The following MIPEP variants were observed in gnomAD, a reference collection of about 807,000 sequenced individuals.
The protein encoded by MIPEP is mitochondrial intermediate peptidase.
In MIPEP, 79 loss-of-function variants were observed where a neutral mutation model predicts 90.3. That is an observed-to-expected ratio of 0.87 (90% confidence interval 0.73 to 1.05). The LOEUF (loss-of-function observed/expected upper bound fraction) is 1.05. Ranked by LOEUF, MIPEP falls within the 50% of genes least tolerant of loss-of-function variation. The pLI, the probability that MIPEP is intolerant of heterozygous loss-of-function variation, is 0.00. For synonymous variants in MIPEP, 334 were observed against 315.8 expected (o/e 1.06, Z -0.61); for missense variants, 940 against 905.6 (o/e 1.04, Z -0.49).
At chr13:23,838,709 TATTAGGAGCCAGGGCTCCTA>T (rs1385298842) in intron 12 of MIPEP, among the ~76,000 whole-genome samples, 18 of 152,196 alleles carry the variant, frequency 1.2e-4, no homozygotes, top group African/African-American at 4.1e-4. Flanking sequence ...CCAGGCTGAC[TATTAGGAGCCAGGGCTCCTA>T]ATCACTAAAG....
Position 23,753,223 on chromosome 13 carries a change from CA to C in MIPEP, c.2044+3321del, listed in dbSNP as rs765963824. Among the ~76,000 whole-genome samples, 1,197 of 128,140 alleles carry C rather than the reference CA, an allele frequency of 9.3e-3. 13 individuals carry two copies. Among genetic ancestry groups the C allele is most frequent in the African/African-American group, 0.026 (987 of 37,420 alleles). 84.1% of individuals were successfully genotyped at this position (128,140 alleles called of 152,430 possible). The stretch of plus-strand genomic sequence containing the variant: ...AGCCTGGGCAGTAGAGACTCCATCT[CA>C]AAAAAAAAAAAAAAAATAATAATAA... On this transcript the variant is annotated intron_variant, in intron 18 of 18. Coordinates refer to ENST00000382172, the MANE Select transcript of MIPEP (RefSeq NM_005932.4).
intron 16 of MIPEP, among the ~76,000 whole-genome samples, chr13:23,796,732 A>T (rs575395806): frequency 1.2e-3 from 187 of 152,332 alleles, no homozygotes; most frequent in African/African-American, 4.3e-3. Flanking sequence ...GGATGAGCAC[A>T]CTATGTAAAC....
At chr13:23,881,928 C>T (rs1399219603) in intron 2 of MIPEP, 141 bp from the exon 3 acceptor site, 7 of 626,348 alleles carry the variant, frequency 1.1e-5, no homozygotes, top group East Asian at 5.6e-5. Context: ...TTTTCCTAAG[C>T]GAGTAAAGCA....
rs888163992 is a variant in MIPEP at position 23,841,470 on chromosome 13, G to A, written c.1125C>T (p.Ser375=). The A allele has an allele frequency of 8.7e-6, 14 of 1,613,062 alleles. No homozygotes were observed. Among genetic ancestry groups the A allele is most frequent in the Non-Finnish European group, 1.2e-5 (14 of 1,179,760 alleles). ...IRAERYNIEP[S]LYCPFFSLGA... Reference sequence around the variant, plus strand: ...CAAGAGAGAAAAACGGGCAATATAGGCTGGGCTCAATATTATACCTAAGAG... The same window carrying A: ...CAAGAGAGAAAAACGGGCAATATAGACTGGGCTCAATATTATACCTAAGAG... The change falls in exon 11 of 19, where the codon AGC becomes AGT. Residue 375 remains serine (S), a synonymous_variant. Transcript: ENST00000382172.
At chr13:23,881,581 A>ACCTCCCAC (rs1871270227) in intron 3 of MIPEP, 118 bp downstream of exon 3, 3 of 840,296 alleles carry the variant, frequency 3.6e-6, no homozygotes, top group Non-Finnish European at 5.8e-6. Flanking sequence ...GGTCACACAC[A>ACCTCCCAC]CCTCCCACCC....
rs984182541 is a variant in MIPEP at position 23,854,141 on chromosome 13, C to T, written c.1106+4719G>A. On this transcript the variant is annotated intron_variant, in intron 10 of 18. Transcript: ENST00000382172. Reference sequence around the variant, plus strand: ...CAGATCGAGATCATCCTGGCTAACACGGTGAAACCTCGTCTCTACTAAAAA... The same window carrying T: ...CAGATCGAGATCATCCTGGCTAACATGGTGAAACCTCGTCTCTACTAAAAA... Among the ~76,000 whole-genome samples, 13 of 149,630 alleles carry T rather than the reference C, an allele frequency of 8.7e-5. No individual in the cohort carries two copies. In the South Asian group the frequency reaches 1.1e-3, roughly 12 times the overall value.
chr13:23,869,111 G>A (rs1428162397), intron 7 of MIPEP, among the ~76,000 whole-genome samples, 181 bp downstream of exon 7: 1 of 152,162 alleles, frequency 6.6e-6, no homozygotes, highest in Non-Finnish European at 1.5e-5. Flanking sequence ...TGGTTGGACA[G>A]AATTATGCCA....
chr13:23,848,057 G>A (rs1742487707), intron 10 of MIPEP, among the ~76,000 whole-genome samples: 1 of 152,140 alleles, frequency 6.6e-6, no homozygotes, highest in Admixed American at 6.5e-5. Context: ...AAGAGCCCTG[G>A]GTTTGAAAAT....
chr13:23,731,005 C>T (rs1434293942), intron 18 of MIPEP, among the ~76,000 whole-genome samples: 1 of 152,154 alleles, frequency 6.6e-6, no homozygotes, highest in Non-Finnish European at 1.5e-5. Context: ...AAATTTCCTA[C>T]AAGGTTGCTA....
chr13:23,881,108 C>A (rs1871254124), intron 3 of MIPEP, among the ~76,000 whole-genome samples: 1 of 152,180 alleles, frequency 6.6e-6, no homozygotes, highest in African/African-American at 2.4e-5. Context: ...TAAAATAATT[C>A]ACTCTATCAC....
chr13:23,752,416 C>A (rs929286607), intron 18 of MIPEP, among the ~76,000 whole-genome samples: 3 of 152,162 alleles, frequency 2.0e-5, no homozygotes, highest in African/African-American at 7.2e-5. Flanking sequence ...TATTCACAAG[C>A]CTCAGCATAT....
intron 10 of MIPEP, among the ~76,000 whole-genome samples, chr13:23,849,739 T>C (rs1869721524): frequency 6.6e-6 from 1 of 152,220 alleles, no homozygotes; most frequent in Non-Finnish European, 1.5e-5. Flanking sequence ...CACAGAAATA[T>C]CAGTCAAGAA....
At chr13:23,762,987 T>C (rs1452001179) in intron 16 of MIPEP, among the ~76,000 whole-genome samples, 1 of 152,168 alleles carries the variant, frequency 6.6e-6, no homozygotes, top group African/African-American at 2.4e-5. Flanking sequence ...CAGAGAAAGG[T>C]AGACACGTAC....
intron 18 of MIPEP, among the ~76,000 whole-genome samples, chr13:23,749,537 T>C (rs1166140311): frequency 1.3e-5 from 2 of 152,228 alleles, no homozygotes; most frequent in Non-Finnish European, 2.9e-5. Flanking sequence ...TCATCAGAAC[T>C]GTATGGGCAA....
At chr13:23,774,190 T>C (rs919763862) in intron 16 of MIPEP, among the ~76,000 whole-genome samples, 1 of 152,182 alleles carries the variant, frequency 6.6e-6, no homozygotes, top group African/African-American at 2.4e-5. Flanking sequence ...GACAATTCTT[T>C]CCCCAATTAG....
At chr13:23,761,363 G>A (rs1952540607) in intron 16 of MIPEP, among the ~76,000 whole-genome samples, 1 of 152,272 alleles carries the variant, frequency 6.6e-6, no homozygotes, top group East Asian at 1.9e-4. Context: ...ACGGTGGCAG[G>A]AGTGCCAATG....
intron 18 of MIPEP, among the ~76,000 whole-genome samples, chr13:23,754,917 A>C (rs1445644746): frequency 6.6e-6 from 1 of 152,218 alleles, no homozygotes; most frequent in Non-Finnish European, 1.5e-5. Context: ...CCTGTCTGAC[A>C]GTACAGGCAG....
rs972579202 is a variant in MIPEP at position 23,786,654 on chromosome 13, A to G, written c.1848+19296T>C. Among the ~76,000 whole-genome samples the G allele has an allele frequency of 1.3e-3, 91 of 71,656 alleles. 2 individuals are homozygous for G. The highest frequency in any genetic ancestry group is 9.3e-3 in the Middle Eastern group (1 of 108). 47.0% of individuals were successfully genotyped at this position (71,656 alleles called of 152,430 possible). A position where few individuals can be genotyped will look rare whatever the true frequency, so the allele number is the denominator to read the frequency against. ...ATATAGTTGGTAAAAAGAAAAAAAA[A>G]TAAGGAAAGAGTGACTTTACTAGTA... On this transcript the variant is annotated intron_variant, in intron 16 of 18. Coordinates refer to ENST00000382172, the MANE Select transcript of MIPEP (RefSeq NM_005932.4).
intron 14 of MIPEP, among the ~76,000 whole-genome samples, chr13:23,816,460 G>C (rs988314046): frequency 6.6e-6 from 1 of 152,068 alleles, no homozygotes; most frequent in Non-Finnish European, 1.5e-5. Flanking sequence ...GTATGGATGA[G>C]CTTCTCAAAG....
Sources: gnomAD v4.1 joint callset for allele counts (sites outside exome capture counted in the v4.1 genomes callset) on GRCh38, gnomAD v4.1.1 for gene constraint, MANE v1.5 for transcripts, NCBI Gene and HGNC (gene_info 2026-07-23, HGNC 2026-07-21) for gene names.